The following CERS2 variants were observed in gnomAD, a reference collection of about 807,000 sequenced individuals.
The protein encoded by CERS2 is ceramide synthase 2, also known as LAG1 homolog, ceramide synthase 2.
In CERS2, 20 loss-of-function variants were observed where a neutral mutation model predicts 56.6. The ratio of observed to expected loss-of-function variants is 0.35; its 90% CI spans 0.25 to 0.51. CERS2 has a LOEUF of 0.51. Ranked by LOEUF, CERS2 falls within the 20% of genes least tolerant of loss-of-function variation. CERS2 has a pLI of 0.96. For synonymous variants in CERS2, 187 were observed against 175.4 expected (o/e 1.07, Z -0.52); for missense variants, 361 against 488.6 (o/e 0.74, Z 2.46).
intron 1 of CERS2, among the ~76,000 whole-genome samples, chr1:150,972,236 T>C (rs587616121): frequency 2.0e-5 from 3 of 152,200 alleles, no homozygotes; most frequent in Admixed American, 6.5e-5. Flanking sequence ...TACACTGAGG[T>C]TGCAGGCTTC....
chr1:150,967,858 G>C lies in CERS2; in HGVS notation c.430C>G (p.Leu144Val). Residue 144 changes from leucine (L) to valine (V), a missense_variant, in exon 5 of 11, where the codon CTG becomes GTG. By Grantham distance (32) the Leu-to-Val change is conservative. Around this residue, in one of 3 missense-constraint regions of CERS2, gnomAD observed 236 missense variants for 309.2 expected, o/e 0.76. Transcript: ENST00000368954. ...GCCATGCCGGCAATGAAGGCAATCA[G>C]GTAAAATGTGAATCTCCAGCTGGCA... ...REASWRFTFYLIAFIAGMAVI... is the reference protein window; with the variant it reads ...REASWRFTFYVIAFIAGMAVI... 6.2e-7 allele frequency: 1 copy of C among 1,613,718 alleles called. No individual in the cohort carries two copies. Among genetic ancestry groups the C allele is most frequent in the East Asian group, 2.2e-5 (1 of 44,878 alleles).
chr1:150,965,926 C>T lies in CERS2; in HGVS notation c.*222G>A, dbSNP rs945469276. ...TGGCGGGTAGGGAGGAAAATACGAC[C>T]GTCCCCCTCTAACAGAATATAACCA... On this transcript the variant is annotated 3_prime_UTR_variant, in exon 11 of 11. Transcript: ENST00000368954. The T allele has an allele frequency of 1.5e-5, 7 of 466,058 alleles. No individual in the cohort carries two copies. Among genetic ancestry groups the T allele is most frequent in the African/African-American group, 8.2e-5 (4 of 48,938 alleles). 28.9% of individuals were successfully genotyped at this position (466,058 alleles called of 1,614,324 possible).
In CERS2 at chr1:150,967,117, G is replaced by A; in HGVS notation, c.698C>T (p.Thr233Ile). 1.2e-6 allele frequency: 2 copies of A among 1,613,998 alleles called. No individual in the cohort carries two copies. Among genetic ancestry groups the A allele is most frequent in the Non-Finnish European group, 1.7e-6 (2 of 1,179,854 alleles). The change falls in exon 8 of 11, where the codon ACT (threonine) becomes ATT (isoleucine). Residue 233 changes from threonine to isoleucine, a missense_variant. Transcript: ENST00000368954. ...AGAGTCATGCAGAGCCATGATTAGA[G>A]TCCCAGCTCGGATGTAATTGGCAAA... ...SWFANYIRAGTLIMALHDSSD... is the reference protein window; with the variant it reads ...SWFANYIRAGILIMALHDSSD...
At position 150,966,808 on chromosome 1, in the gene CERS2, T is replaced by C. The variant is rs369491663; in HGVS notation, c.796A>G (p.Ile266Val). The C allele has an allele frequency of 1.1e-5, 17 of 1,614,108 alleles. No individual in the cohort carries two copies. The highest frequency in any genetic ancestry group is 9.3e-5 in the African/African-American group (7 of 75,018). Residue 266 changes from isoleucine (I) to valine (V), a missense_variant, in exon 9 of 11, where the codon ATC becomes GTC. Ile to Val is a conservative substitution (Grantham distance 29). This residue lies in a region of CERS2 where 122 missense variants were observed against 151.9 expected (regional missense o/e 0.80). Transcript: ENST00000368954. ...ATGATAAAAACAATGGCGAAGACGATGAAGATGTTGTTGCAGGTGTTCTTC... is the reference window on the plus strand; with the variant it reads ...ATGATAAAAACAATGGCGAAGACGACGAAGATGTTGTTGCAGGTGTTCTTC... ...GWKNTCNNIF[I>V]VFAIVFIITR...
intron 2 of CERS2, 135 bp downstream of exon 2, chr1:150,968,783 G>T (rs1352916937): frequency 3.6e-6 from 3 of 841,448 alleles, no homozygotes; most frequent in South Asian, 1.6e-5. Flanking sequence ...AGGGGAGGGG[G>T]TGCACAGTGG....
At chr1:150,968,299 C>T (rs1671081309) in intron 3 of CERS2, 96 bp downstream of exon 3, 1 of 1,456,422 alleles carries the variant, frequency 6.9e-7, no homozygotes, top group African/African-American at 1.4e-5. Context: ...ACCACTGCTT[C>T]CCCATCTCTT....
chr1:150,967,001 C>T (rs1261027124), intron 8 of CERS2, 73 bp downstream of exon 8: 15 of 1,576,810 alleles, frequency 9.5e-6, no homozygotes, highest in Middle Eastern at 1.8e-4. Context: ...TCCCACCCCG[C>T]ACCTCCCTCC....
intron 1 of CERS2, chr1:150,969,372 G>A (rs1294949912): frequency 1.7e-5 from 6 of 351,144 alleles, no homozygotes; most frequent in African/African-American, 8.3e-5. Flanking sequence ...TCAGGAGTTC[G>A]AGACCAGCCT....
rs748947045 is a variant in CERS2 at position 150,967,926 on chromosome 1, CA to C, written c.411-50del. ...TAGGTCAGAGGATAGCACAGTCCCC[CA>C]GCAGCCCCCAAATACCTGCAGATAC... On this transcript the variant is annotated intron_variant, in intron 4 of 10. Coordinates refer to ENST00000368954, the MANE Select transcript of CERS2 (RefSeq NM_022075.5). The C allele has an allele frequency of 2.0e-5, 30 of 1,496,140 alleles. No individual in the cohort carries two copies. In the African/African-American group the frequency reaches 3.9e-4, roughly 19 times the overall value. 92.7% of individuals were successfully genotyped at this position (1,496,140 alleles called of 1,614,324 possible).
rs1671109914 is a variant in CERS2, at chr1:150,969,038, A to G, written c.53T>C (p.Val18Ala). The change falls in exon 2 of 11, where the codon GTG becomes GCG. Residue 18 changes from valine to alanine, a missense_variant. By Grantham distance (64) the Val-to-Ala change is moderately conservative. This residue lies in a region of CERS2 where 236 missense variants were observed against 309.2 expected (regional missense o/e 0.76). Coordinates refer to ENST00000368954, the MANE Select transcript of CERS2 (RefSeq NM_022075.5). ...YFWWERLWLP[V>A]NLTWADLEDR... ...TTCTAGATCGGCCCAGGTCAAGTTC[A>G]CAGGCAGCCACAGACGTTCCCACCA... is the stretch of plus-strand genomic sequence containing the variant. 3.7e-6 allele frequency: 6 copies of G among 1,614,182 alleles called. No individual in the cohort carries two copies. The highest frequency in any genetic ancestry group is 5.1e-6 in the Non-Finnish European group (6 of 1,180,030).
At chr1:150,971,879 C>T (rs767181972) in intron 1 of CERS2, 14 of 471,066 alleles carry the variant, frequency 3.0e-5, no homozygotes, top group Admixed American at 1.6e-4. Flanking sequence ...CCCAACTTCT[C>T]CAGGGAAATG....
intron 1 of CERS2, among the ~76,000 whole-genome samples, chr1:150,972,462 A>G (rs978219033): frequency 1.3e-4 from 20 of 152,194 alleles, no homozygotes; most frequent in African/African-American, 4.6e-4. Flanking sequence ...GAGGCCTCTT[A>G]GCACCAGCAC....
chr1:150,966,976 T>G (rs1042536683), intron 8 of CERS2, 98 bp downstream of exon 8: 2 of 1,504,188 alleles, frequency 1.3e-6, no homozygotes, highest in African/African-American at 1.4e-5. Flanking sequence ...GTCCCAGGAA[T>G]GTCATCCTCC....
intron 1 of CERS2, chr1:150,974,295 C>G (rs1671262556): frequency 6.6e-6 from 1 of 152,122 alleles, no homozygotes; most frequent in South Asian, 2.1e-4. Flanking sequence ...CCGCAGCCCC[C>G]GCGTCCCCAC....
Position 150,968,473 on chromosome 1 carries a change from C to T in CERS2, c.213G>A (p.Lys71=). ...GAGGTGCCCGCAGCCGAGTTTTCTC[C>T]TTTATGTTCAAGAGGGCAGCCAGTG... ...ATPLAALLNI[K]EKTRLRAPPN... The change falls in exon 3 of 11, where the codon AAG becomes AAA. Residue 71 remains lysine (K), a synonymous_variant. Coordinates refer to ENST00000368954, the MANE Select transcript of CERS2 (RefSeq NM_022075.5). 6.2e-7 allele frequency: 1 copy of T among 1,614,172 alleles called. No individual in the cohort carries two copies. The highest frequency in any genetic ancestry group is 8.5e-7 in the Non-Finnish European group (1 of 1,180,032).
Position 150,966,494 on chromosome 1 carries a change from G to A in CERS2, c.984C>T (p.His328=). The part of the protein sequence containing the change: ...FWAYLILRMA[H]KFITGKLVED... ...GCTTCACCTTTCCAGTTATGAACTT[G>A]TGGGCCATGCGCAAAATGAGGTAGG... Residue 328 remains histidine, a synonymous_variant, in exon 10 of 11, where the codon CAC becomes CAT. Coordinates refer to ENST00000368954, the MANE Select transcript of CERS2 (RefSeq NM_022075.5). The A allele has an allele frequency of 1.2e-6, 2 of 1,614,140 alleles. 1 individual carries two copies. Among genetic ancestry groups the A allele is most frequent in the South Asian group, 2.2e-5 (2 of 91,082 alleles).
rs777902570 is a variant in CERS2, at chr1:150,966,796, T to C, written c.808A>G (p.Ile270Val). 104 of 1,613,918 alleles carry C rather than the reference T, an allele frequency of 6.4e-5. No individual in the cohort carries two copies. Among genetic ancestry groups the C allele is most frequent in the Non-Finnish European group, 8.6e-5 (101 of 1,179,980 alleles). ...TCNNIFIVFA[I>V]VFIITRLVIL... Reference sequence around the variant, plus strand: ...ACCAGTCGGGTGATGATAAAAACAATGGCGAAGACGATGAAGATGTTGTTG... The same window carrying C: ...ACCAGTCGGGTGATGATAAAAACAACGGCGAAGACGATGAAGATGTTGTTG... Residue 270 changes from isoleucine to valine, a missense_variant, in exon 9 of 11, where the codon ATT (isoleucine) becomes GTT (valine). Around this residue, in one of 3 missense-constraint regions of CERS2, gnomAD observed 122 missense variants for 151.9 expected, o/e 0.80. Transcript: ENST00000368954.
chr1:150,973,702 A>C (rs1671239791), intron 1 of CERS2, among the ~76,000 whole-genome samples: 1 of 152,198 alleles, frequency 6.6e-6, no homozygotes, highest in Non-Finnish European at 1.5e-5. Flanking sequence ...CAGCACAGAT[A>C]TGGGGGTGAC....
At chr1:150,969,729 A>ACCT (rs1671130620) in intron 1 of CERS2, among the ~76,000 whole-genome samples, 1 of 152,108 alleles carries the variant, frequency 6.6e-6, no homozygotes, top group Non-Finnish European at 1.5e-5. Flanking sequence ...GACAGGCAGG[A>ACCT]CCTGGCCCTA....
Sources: gnomAD v4.1 joint callset for allele counts (sites outside exome capture counted in the v4.1 genomes callset) on GRCh38, gnomAD v4.1.1 for gene constraint, gnomAD v4.1.1 regional missense constraint, MANE v1.5 for transcripts, NCBI Gene and HGNC (gene_info 2026-07-23, HGNC 2026-07-21) for gene names.